SETX: variants seen among roughly 807,000 people sequenced by gnomAD.
The protein encoded by SETX is helicase senataxin.
A neutral mutation model predicts 227.2 loss-of-function variants in SETX; 90 were observed. The ratio of observed to expected loss-of-function variants is 0.40; its 90% confidence interval spans 0.33 to 0.47. The LOEUF is 0.47. Among genes scored for constraint, SETX ranks in the 20% least tolerant of loss-of-function variants. The probability of loss-of-function intolerance (pLI) is 0.91; values close to 1 mark genes in which losing one functional copy is unlikely to be tolerated. For synonymous variants in SETX, 1,210 were observed against 1,113.2 expected (o/e 1.09, Z -1.73); for missense variants, 3,052 against 3,181.5 (o/e 0.96, Z 0.98).
chr9:132,269,837 G>A (rs1842811747), intron 24 of SETX, 135 bp from the exon 25 acceptor site: 4 of 859,598 alleles, frequency 4.7e-6, no homozygotes, highest in Non-Finnish European at 7.7e-6. Context: ...CAGTGAGCCC[G>A]AGACACAGGT....
chr9:132,354,644 A>T (rs1250317225), intron 1 of SETX, among the ~76,000 whole-genome samples: 1 of 151,754 alleles, frequency 6.6e-6, no homozygotes, highest in South Asian at 2.1e-4. Context: ...CACCAAAAAC[A>T]GCTCACACGA....
intron 14 of SETX, 56 bp downstream of exon 14, chr9:132,296,831 A>G: frequency 6.6e-7 from 1 of 1,513,920 alleles, no homozygotes; most frequent in Non-Finnish European, 9.2e-7. Context: ...AGTTAACTCA[A>G]GTAAAGTAAA....
chr9:132,334,743 G>A lies in SETX; in HGVS notation c.719-16C>T, dbSNP rs374210427. 38 of 1,613,348 alleles carry A rather than the reference G, an allele frequency of 2.4e-5. No homozygotes were observed. In the African/African-American group the frequency reaches 4.5e-4, roughly 19 times the overall value. On this transcript the variant is annotated splice_polypyrimidine_tract_variant and intron_variant, in intron 6 of 25. Coordinates refer to ENST00000224140, the MANE Select transcript of SETX (RefSeq NM_015046.7). ...ATGCAAATACCTGTAAGATCATTTA[G>A]AGTTATCTTGAATTGATGAAATAAT...
intron 15 of SETX, among the ~76,000 whole-genome samples, chr9:132,289,078 G>A (rs1181466774): frequency 6.6e-6 from 1 of 152,162 alleles, no homozygotes; most frequent in Non-Finnish European, 1.5e-5. Flanking sequence ...ATAAAAATAT[G>A]GAACAGTAAG....
At chr9:132,314,429 T>C (rs556648249) in intron 10 of SETX, among the ~76,000 whole-genome samples, 1 of 152,028 alleles carries the variant, frequency 6.6e-6, no homozygotes, top group African/African-American at 2.4e-5. Context: ...TTCACCATGC[T>C]GGCCAGCTGG....
At chr9:132,326,210 G>T (rs1275570944) in intron 10 of SETX, 114 bp downstream of exon 10, 2 of 803,722 alleles carry the variant, frequency 2.5e-6, no homozygotes, top group Non-Finnish European at 4.1e-6. Flanking sequence ...GGGATTACAG[G>T]TGCCCGCAAC....
chr9:132,265,313 C>T (rs1842591229), intron 25 of SETX, among the ~76,000 whole-genome samples: 1 of 150,310 alleles, frequency 6.7e-6, no homozygotes, highest in Admixed American at 6.6e-5. Context: ...GCAACCTCCA[C>T]CTCCCGGGTT....
At chr9:132,355,724 C>A (rs12350570), upstream of SETX, among the ~76,000 whole-genome samples, 2,998 of 152,240 alleles carry the variant, frequency 0.02, 96 homozygotes, top group African/African-American at 0.067. Context: ...CGGTGGCTCA[C>A]GCCTGTAATC....
intron 3 of SETX, 29 bp from the exon 4 acceptor site, chr9:132,346,500 G>C: frequency 2.0e-6 from 3 of 1,487,260 alleles, no homozygotes; most frequent in Non-Finnish European, 2.8e-6. Flanking sequence ...GGCAGTGTGC[G>C]TTATGTCTTA....
intron 5 of SETX, among the ~76,000 whole-genome samples, chr9:132,339,621 T>C (rs1262217219): frequency 6.6e-6 from 1 of 152,168 alleles, no homozygotes; most frequent in Non-Finnish European, 1.5e-5. Flanking sequence ...AGTACAACTT[T>C]CCTTTTGTGA....
rs1206814143 is a variant in SETX, at chr9:132,261,708, T to C, written c.*2531A>G. ...ACAGGAGGTTATTCACATGTACTTG[T>C]CAAATTTACTCCTGATAATTCACAA... On this transcript the variant is annotated 3_prime_UTR_variant, in exon 26 of 26. Transcript: ENST00000224140. 1 of 153,708 alleles carries C rather than the reference T, an allele frequency of 6.5e-6. No homozygotes were observed. The highest frequency in any genetic ancestry group is 1.9e-4 in the East Asian group (1 of 5,206). The allele number at this position is 153,708 out of a possible 1,614,324, so 9.5% of individuals were successfully genotyped here. A position where few individuals can be genotyped will look rare whatever the true frequency, so the allele number is the denominator to read the frequency against.
At chr9:132,339,301 A>G (rs1419612749) in intron 5 of SETX, among the ~76,000 whole-genome samples, 1 of 152,086 alleles carries the variant, frequency 6.6e-6, no homozygotes, top group East Asian at 1.9e-4. Flanking sequence ...TGGGCAACAC[A>G]GTGAAACCCC....
At chr9:132,265,018 C>A in intron 25 of SETX, 33 bp from the exon 26 acceptor site, 3 of 1,608,630 alleles carry the variant, frequency 1.9e-6, no homozygotes, top group Non-Finnish European at 2.5e-6. Flanking sequence ...AATAATTACA[C>A]CCCAAAGAGA....
chr9:132,330,458 A>C lies in SETX; in HGVS notation c.1140T>G (p.Pro380=), dbSNP rs140553290. ...WRTAICPDYC[P]NMYEEMETLA... Reference sequence around the variant, plus strand: ...ATGTTTCCATTTCTTCATACATGTTAGGACAATAATCTGGGCAAATGGCTG... The same window carrying C: ...ATGTTTCCATTTCTTCATACATGTTCGGACAATAATCTGGGCAAATGGCTG... Residue 380 remains proline, a synonymous_variant, in exon 10 of 26, where the codon CCT becomes CCG. Transcript: ENST00000224140. 1.1e-4 allele frequency: 183 copies of C among 1,613,840 alleles called. No individual in the cohort carries two copies. Among genetic ancestry groups the C allele is most frequent in the Non-Finnish European group, 1.5e-4 (172 of 1,180,010 alleles).
At chr9:132,302,388 G>A (rs1326903163) in intron 11 of SETX, among the ~76,000 whole-genome samples, 1 of 133,484 alleles carries the variant, frequency 7.5e-6, no homozygotes. Flanking sequence ...GGCCAGGTGT[G>A]GTGGCTCACG....
intron 11 of SETX, among the ~76,000 whole-genome samples, chr9:132,310,481 A>G (rs1246342162): frequency 6.6e-6 from 1 of 152,246 alleles, no homozygotes. Flanking sequence ...CATGCTGTGC[A>G]GAAAAGAGTT....
rs1847027412 is a variant in SETX, at chr9:132,328,840, G to A, written c.2758C>T (p.Pro920Ser). Residue 920 changes from proline (P) to serine (S), a missense_variant, in exon 10 of 26, where the codon CCT (proline) becomes TCT (serine). Transcript: ENST00000224140. Reference sequence around the variant, plus strand: ...CTCATCTCCTCATCTCTTGATTCAGGTACAGTCATAAGATCTTTAAAGGGA... The same window carrying A: ...CTCATCTCCTCATCTCTTGATTCAGATACAGTCATAAGATCTTTAAAGGGA... The part of the protein sequence containing the change: ...SSPFKDLMTV[P>S]ESRDEEMSNS... 6.2e-7 allele frequency: 1 copy of A among 1,613,552 alleles called. No individual in the cohort carries two copies.
intron 7 of SETX, among the ~76,000 whole-genome samples, chr9:132,333,416 T>TATATATATATAC (rs779955041): frequency 5.7e-5 from 5 of 88,072 alleles, no homozygotes; most frequent in African/African-American, 2.6e-4. Context: ...AAAATATATA[T>TATATATATATAC]ACACACACAC....
chr9:132,340,620 T>G (rs7035267), intron 5 of SETX, among the ~76,000 whole-genome samples: 23,154 of 152,142 alleles, frequency 0.15, 2,390 homozygotes, highest in East Asian at 0.43. Flanking sequence ...GAAGCAGCAT[T>G]AGAAGACACT....
Sources: allele counts gnomAD v4.1 joint callset (sites outside exome capture counted in the v4.1 genomes callset), GRCh38; gene constraint gnomAD v4.1.1; transcripts MANE v1.5; gene names NCBI Gene and HGNC (gene_info 2026-07-23, HGNC 2026-07-21).